Variants in MEI4 observed in about 807,000 individuals in gnomAD.
MEI4 encodes meiotic double-stranded break formation protein 4.
In MEI4, 27 loss-of-function variants were observed where a neutral mutation model predicts 31.4. The observed-to-expected ratio is 0.86, with a 90% confidence interval of 0.63 to 1.19. The LOEUF (loss-of-function observed/expected upper bound fraction) is 1.19, where lower values mean the gene tolerates loss of function less well. Among genes scored for constraint, MEI4 ranks in the 50% most tolerant of loss-of-function variants. MEI4 has a pLI of 0.00. For missense variants in MEI4, 329 were observed against 398.9 expected (o/e 0.82, Z 1.49); for synonymous variants, 122 against 145.4 (o/e 0.84, Z 1.16).
At chr6:77,671,440 G>T (rs1768738561) in intron 1 of MEI4, among the ~76,000 whole-genome samples, 1 of 151,934 alleles carries the variant, frequency 6.6e-6, no homozygotes, top group African/African-American at 2.4e-5. Context: ...TGACAAAGTG[G>T]TTATCTGAGC....
At chr6:77,711,600 G>A (rs746026601) in intron 2 of MEI4, among the ~76,000 whole-genome samples, 3 of 152,180 alleles carry the variant, frequency 2.0e-5, no homozygotes, top group Non-Finnish European at 4.4e-5. Context: ...AGGTGTCTCT[G>A]TGCATATTGG....
chr6:77,798,608 C>G (rs917983165), intron 3 of MEI4, among the ~76,000 whole-genome samples: 2 of 151,152 alleles, frequency 1.3e-5, no homozygotes, highest in South Asian at 4.2e-4. Flanking sequence ...CATCATTTAG[C>G]ATTAGGTATA....
intron 2 of MEI4, among the ~76,000 whole-genome samples, chr6:77,710,829 A>T (rs759408012): frequency 1.3e-5 from 2 of 152,216 alleles, no homozygotes; most frequent in Non-Finnish European, 2.9e-5. Flanking sequence ...TTATTCCAAC[A>T]TACAACTGAG....
chr6:77,766,115 C>T (rs1022391144), intron 3 of MEI4, among the ~76,000 whole-genome samples: 1 of 152,182 alleles, frequency 6.6e-6, no homozygotes, highest in Non-Finnish European at 1.5e-5. Context: ...CACTATTTTC[C>T]ACAGCTACAG....
intron 4 of MEI4, among the ~76,000 whole-genome samples, chr6:77,833,880 G>A (rs78930713): frequency 6.6e-6 from 1 of 152,142 alleles, no homozygotes; most frequent in African/African-American, 2.4e-5. Context: ...GTGGGAACAT[G>A]TGATGTTTGG....
intron 1 of MEI4, among the ~76,000 whole-genome samples, chr6:77,662,838 T>A (rs1768538347): frequency 6.6e-6 from 1 of 152,070 alleles, no homozygotes; most frequent in Non-Finnish European, 1.5e-5. Flanking sequence ...CACGTGTGTT[T>A]TTATGAGAAT....
intron 4 of MEI4, among the ~76,000 whole-genome samples, chr6:77,912,816 C>T (rs1247170451): frequency 6.6e-6 from 1 of 152,010 alleles, no homozygotes; most frequent in Non-Finnish European, 1.5e-5. Flanking sequence ...CCTAATTGCT[C>T]TGGTTAGGAC....
intron 1 of MEI4, among the ~76,000 whole-genome samples, chr6:77,665,389 A>G (rs3003965): frequency 0.3 from 45,552 of 150,200 alleles, 7,259 homozygotes; most frequent in South Asian, 0.41. Context: ...GGTGAAGGAG[A>G]AGGGGTTGAG....
intron 2 of MEI4, among the ~76,000 whole-genome samples, chr6:77,746,703 C>G (rs1381136057): frequency 6.6e-6 from 1 of 151,086 alleles, no homozygotes; most frequent in Non-Finnish European, 1.5e-5. Context: ...TTCGGTTTCT[C>G]TGAAAAACCC....
intron 4 of MEI4, among the ~76,000 whole-genome samples, chr6:77,832,563 T>C (rs1770110706): frequency 6.6e-6 from 1 of 152,062 alleles, no homozygotes; most frequent in South Asian, 2.1e-4. Flanking sequence ...TTGAAATAAA[T>C]AGCGATTAAT....
At chr6:77,656,440 G>A (rs1768396624) in intron 1 of MEI4, among the ~76,000 whole-genome samples, 1 of 152,006 alleles carries the variant, frequency 6.6e-6, no homozygotes, top group Non-Finnish European at 1.5e-5. Flanking sequence ...CCTGATAGGA[G>A]AAAGCTACTT....
chr6:77,710,031 G>T (rs1299785323), intron 2 of MEI4, among the ~76,000 whole-genome samples: 1 of 152,156 alleles, frequency 6.6e-6, no homozygotes, highest in Non-Finnish European at 1.5e-5. Context: ...GTGGGGGCTG[G>T]ACCTGGAGGC....
intron 2 of MEI4, among the ~76,000 whole-genome samples, chr6:77,713,642 T>A (rs1766515855): frequency 6.6e-6 from 1 of 152,220 alleles, no homozygotes; most frequent in South Asian, 2.1e-4. Flanking sequence ...AATGTAGGAA[T>A]TCAGGTGTTA....
chr6:77,735,852 A>T (rs896935006), intron 2 of MEI4, among the ~76,000 whole-genome samples: 2 of 152,026 alleles, frequency 1.3e-5, no homozygotes, highest in African/African-American at 4.8e-5. Context: ...TCCTTCTAAC[A>T]GACAGGACCC....
chr6:77,766,247 G>C (rs960774073), intron 3 of MEI4, among the ~76,000 whole-genome samples: 1 of 151,820 alleles, frequency 6.6e-6, no homozygotes, highest in Non-Finnish European at 1.5e-5. Flanking sequence ...CTTTCCACTG[G>C]TCCCTTCCTA....
rs537772810 is a variant in MEI4, at chr6:77,847,596, G to A, written c.900+18534G>A. Among the ~76,000 whole-genome samples, 3 of 152,150 alleles carry A rather than the reference G, an allele frequency of 2.0e-5. No individual in the cohort carries two copies. Among genetic ancestry groups the A allele is most frequent in the East Asian group, 1.9e-4 (1 of 5,178 alleles). ...TTCAGAATAATTTTCTGATGCAATC[G>A]AAACCTAATGCCTTCTATGAAGACT... On this transcript the variant is annotated intron_variant, in intron 4 of 4. Coordinates refer to ENST00000684080, the MANE Select transcript of MEI4 (RefSeq NM_001322247.2). This position sits in a 1 kb window ranked among gnomAD's most constrained non-coding sequence, Gnocchi z 4.6.
At chr6:77,883,936 A>T (rs939749310) in intron 4 of MEI4, among the ~76,000 whole-genome samples, 1 of 151,282 alleles carries the variant, frequency 6.6e-6, no homozygotes, top group African/African-American at 2.4e-5. Flanking sequence ...GGTTTTTTTT[A>T]AAAACCTCCA....
Position 77,926,946 on chromosome 6 carries a change from T to C in MEI4, c.*3600T>C, listed in dbSNP as rs1581990430. 1 of 151,852 alleles carries C rather than the reference T, an allele frequency of 6.6e-6. No individual in the cohort carries two copies. The highest frequency in any genetic ancestry group is 2.4e-5 in the African/African-American group (1 of 41,414). The allele number at this position is 151,852 out of a possible 1,614,324, so 9.4% of individuals were successfully genotyped here. ...TTTATAGAATTGTATAATACAAAAT[T>C]TATCTGGTTAATAAATATACTGGTC... On this transcript the variant is annotated 3_prime_UTR_variant, in exon 5 of 5. Coordinates refer to ENST00000684080, the MANE Select transcript of MEI4 (RefSeq NM_001322247.2).
At chr6:77,707,379 G>A (rs1766356447) in intron 2 of MEI4, among the ~76,000 whole-genome samples, 1 of 152,174 alleles carries the variant, frequency 6.6e-6, no homozygotes, top group African/African-American at 2.4e-5. Context: ...TGCTGTGGCT[G>A]CTTCTAACTG....
Sources: allele counts gnomAD v4.1 joint callset (sites outside exome capture counted in the v4.1 genomes callset), GRCh38; gene constraint gnomAD v4.1.1; non-coding constraint Gnocchi (gnomAD v3.1); transcripts MANE v1.5; gene names NCBI Gene and HGNC (gene_info 2026-07-23, HGNC 2026-07-21).